The following RAB27B variants were observed in gnomAD, a reference collection of about 807,000 sequenced individuals.
RAB27B encodes the protein ras-related protein Rab-27B.
Under a neutral mutation model 24.6 loss-of-function variants are expected in RAB27B, and 15 were observed. The observed-to-expected ratio is 0.61, with a 90% CI of 0.41 to 0.94. RAB27B has a LOEUF of 0.94. RAB27B is among the 40% of genes least tolerant of loss of function. The pLI is 0.00. For missense variants in RAB27B, 261 were observed against 266.8 expected (o/e 0.98, Z 0.15); for synonymous variants, 105 against 92.5 (o/e 1.14, Z -0.78).
chr18:54,795,398 C>T (rs1349531585), intron 2 of RAB27B, among the ~76,000 whole-genome samples: 1 of 152,136 alleles, frequency 6.6e-6, no homozygotes, highest in Non-Finnish European at 1.5e-5. Flanking sequence ...ACTGAGATGA[C>T]AAGTATCACC....
chr18:54,895,147 T>C lies in RAB27B; in HGVS notation c.*5734T>C, dbSNP rs1599006402. 1 of 152,108 alleles carries C rather than the reference T, an allele frequency of 6.6e-6. No homozygotes were observed. The highest frequency in any genetic ancestry group is 2.4e-5 in the African/African-American group (1 of 41,444). The allele number at this position is 152,108 out of a possible 1,614,324, so 9.4% of individuals were successfully genotyped here. A position where few individuals can be genotyped will look rare whatever the true frequency, so the allele number is the denominator to read the frequency against. Reference sequence around the variant, plus strand: ...TAGTTAGTGTGTTAAAAGTAGACGATGTTCTAATATAACACTGAAGTGCTT... The same window carrying C: ...TAGTTAGTGTGTTAAAAGTAGACGACGTTCTAATATAACACTGAAGTGCTT... On this transcript the variant is annotated 3_prime_UTR_variant, in exon 6 of 6. Coordinates refer to ENST00000262094, the MANE Select transcript of RAB27B (RefSeq NM_004163.4).
chr18:54,855,726 A>G (rs566548270), intron 1 of RAB27B, among the ~76,000 whole-genome samples: 103 of 152,316 alleles, frequency 6.8e-4, no homozygotes, highest in Non-Finnish European at 1.1e-3. Flanking sequence ...ATTGAAAAGT[A>G]TATACTCATT....
At chr18:54,754,896 C>A (rs1243687588) in intron 2 of RAB27B, among the ~76,000 whole-genome samples, 1 of 152,040 alleles carries the variant, frequency 6.6e-6, no homozygotes, top group Admixed American at 6.5e-5. Context: ...ATGTGCCTTG[C>A]TAGTTTTGAG....
At position 54,804,904 on chromosome 18, in the gene RAB27B, C is replaced by T. The variant is rs367784315; in HGVS notation, c.-19-72663C>T. On this transcript the variant is annotated intron_variant, in intron 2 of 4. Transcript: ENST00000586570. ...TCTTTCTTTCTTTCTCTTTCTCTCT[C>T]TCTTTCTTTCTTTCTTTCTTTCTTT... Among the ~76,000 whole-genome samples the T allele has an allele frequency of 2.1e-4, 10 of 48,016 alleles. No individual in the cohort carries two copies. The East Asian group carries it at 4.8e-3, about 23-fold the overall frequency. 31.5% of individuals were successfully genotyped at this position (48,016 alleles called of 152,430 possible).
In RAB27B at chr18:54,843,656, C is replaced by A. The variant is rs543030535; in HGVS notation, c.-20+14956C>A. On this transcript the variant is annotated intron_variant, in intron 1 of 5. Transcript: ENST00000262094. The stretch of plus-strand genomic sequence containing the variant: ...CAACCTATTATAAAAGAAAGCAGAG[C>A]AAACTGGCCTATTTGGAAATCAGAT... Among the ~76,000 whole-genome samples, 68 of 152,312 alleles carry A rather than the reference C, an allele frequency of 4.5e-4. 2 individuals carry two copies. The South Asian group carries it at 7.3e-3, about 16-fold the overall frequency.
intron 2 of RAB27B, among the ~76,000 whole-genome samples, chr18:54,721,029 A>T (rs1330827597): frequency 6.6e-6 from 1 of 152,110 alleles, no homozygotes; most frequent in African/African-American, 2.4e-5. Flanking sequence ...CAAATTATGT[A>T]TTTTGTTGGA....
chr18:54,840,933 G>C (rs996802406), intron 1 of RAB27B, among the ~76,000 whole-genome samples: 4 of 152,058 alleles, frequency 2.6e-5, no homozygotes, highest in African/African-American at 4.8e-5. Context: ...CGGATCATGA[G>C]GTCAGGAGTT....
At chr18:54,746,011 A>T (rs1050828921) in intron 2 of RAB27B, among the ~76,000 whole-genome samples, 2 of 152,070 alleles carry the variant, frequency 1.3e-5, no homozygotes, top group Admixed American at 6.5e-5. Context: ...GCAGGATGCT[A>T]TGAAAACTGA....
chr18:54,804,971 C>T (rs1244704073), intron 2 of RAB27B, among the ~76,000 whole-genome samples: 2 of 94,300 alleles, frequency 2.1e-5, no homozygotes, highest in African/African-American at 4.9e-5. Context: ...TTTCTGCCTT[C>T]CTGCCTTCCT....
chr18:54,856,777 G>A (rs1404827422), intron 1 of RAB27B, among the ~76,000 whole-genome samples: 2 of 152,184 alleles, frequency 1.3e-5, no homozygotes, highest in African/African-American at 4.8e-5. Context: ...TGTGCCCAAT[G>A]CATATTAGCA....
At chr18:54,789,604 A>G (rs1430838660) in intron 2 of RAB27B, among the ~76,000 whole-genome samples, 2 of 152,106 alleles carry the variant, frequency 1.3e-5, no homozygotes, top group Admixed American at 1.3e-4. Context: ...CCAACACAAA[A>G]TAATGTTTTT....
chr18:54,867,444 T>TTTCTTTTC (rs202092039), intron 1 of RAB27B, among the ~76,000 whole-genome samples: 1 of 96,946 alleles, frequency 1.0e-5, no homozygotes, highest in Non-Finnish European at 2.2e-5. Context: ...TTTCTTTTCT[T>TTTCTTTTC]TTTTTTTTTT....
rs1362772557 is a variant in RAB27B at position 54,809,594 on chromosome 18, C to A, written c.-19-67973C>A. Among the ~76,000 whole-genome samples, 7 of 152,282 alleles carry A rather than the reference C, an allele frequency of 4.6e-5. No individual in the cohort carries two copies. The East Asian group carries it at 1.3e-3, about 29-fold the overall frequency. Reference sequence around the variant, plus strand: ...AAATTTGAAGAGACTTATTATAGCTCATTAATGAAGGAAAGTTTTAGCTAA... The same window carrying A: ...AAATTTGAAGAGACTTATTATAGCTAATTAATGAAGGAAAGTTTTAGCTAA... On this transcript the variant is annotated intron_variant, in intron 2 of 4. Coordinates refer to the RAB27B transcript ENST00000586570.
At chr18:54,818,730 A>G (rs1398834262) in intron 2 of RAB27B, among the ~76,000 whole-genome samples, 1 of 152,164 alleles carries the variant, frequency 6.6e-6, no homozygotes, top group African/African-American at 2.4e-5. Flanking sequence ...GAGAGGTTTG[A>G]ATGCTCTATA....
intron 1 of RAB27B, among the ~76,000 whole-genome samples, chr18:54,843,353 T>G (rs1010433305): frequency 2.2e-5 from 1 of 44,952 alleles, no homozygotes; most frequent in Admixed American, 4.1e-4. Flanking sequence ...AGATTTTCAA[T>G]AAAACTCTTT....
chr18:54,834,866 A>C (rs1263993792), intron 1 of RAB27B, among the ~76,000 whole-genome samples: 1 of 151,878 alleles, frequency 6.6e-6, no homozygotes, highest in Non-Finnish European at 1.5e-5. Context: ...ACTTGGGGTC[A>C]ACTTAATCTG....
chr18:54,804,904 C>CTT (rs1555658013), intron 2 of RAB27B, among the ~76,000 whole-genome samples: 13 of 48,016 alleles, frequency 2.7e-4, no homozygotes, highest in Admixed American at 5.9e-4. Flanking sequence ...CTTTCTCTCT[C>CTT]TCTTTCTTTC....
At chr18:54,773,591 C>G (rs925840577) in intron 2 of RAB27B, among the ~76,000 whole-genome samples, 5 of 152,160 alleles carry the variant, frequency 3.3e-5, no homozygotes. Flanking sequence ...TATAGATACA[C>G]ACGAATAAGA....
chr18:54,788,495 G>T (rs954514875), intron 2 of RAB27B, among the ~76,000 whole-genome samples: 3 of 152,096 alleles, frequency 2.0e-5, no homozygotes, highest in Non-Finnish European at 2.9e-5. Context: ...TGGAGATGGG[G>T]TTTCACCATG....
Sources: gnomAD v4.1 joint callset for allele counts (sites outside exome capture counted in the v4.1 genomes callset) on GRCh38, gnomAD v4.1.1 for gene constraint, MANE v1.5 for transcripts, NCBI Gene and HGNC (gene_info 2026-07-23, HGNC 2026-07-21) for gene names.